Variants in DHX35 observed in about 807,000 individuals in gnomAD.
DHX35 encodes the protein DEAH-box helicase 35.
A neutral mutation model predicts 99.6 loss-of-function variants in DHX35; 84 were observed. That is an observed-to-expected ratio of 0.84 (90% CI 0.71 to 1.01). DHX35 has a LOEUF of 1.01. Among genes scored for constraint, DHX35 ranks in the 50% least tolerant of loss-of-function variants. DHX35 has a pLI of 0.00. For synonymous variants in DHX35, 331 were observed against 316.2 expected, an observed-to-expected ratio of 1.05 and a Z score of -0.50; for missense variants, 852 against 888.5, an observed-to-expected ratio of 0.96 and a Z score of 0.52.
At chr20:39,021,727 A>G in intron 15 of DHX35, 114 bp from the exon 16 acceptor site, 3 of 1,055,484 alleles carry the variant, frequency 2.8e-6, no homozygotes, top group Non-Finnish European at 4.3e-6. Context: ...ATTAAGCTCT[A>G]GAAAAAATAT....
At chr20:39,037,422 G>A (rs956057895) in intron 21 of DHX35, among the ~76,000 whole-genome samples, 1 of 152,228 alleles carries the variant, frequency 6.6e-6, no homozygotes, top group Non-Finnish European at 1.5e-5. Context: ...CAGATGGAAA[G>A]TCTGAGTTCT....
chr20:38,988,073 T>G (rs1255631442), intron 4 of DHX35, among the ~76,000 whole-genome samples: 3 of 152,242 alleles, frequency 2.0e-5, no homozygotes, highest in African/African-American at 7.2e-5. Context: ...TAGTGTGCCC[T>G]TTGTTTAGGA....
chr20:38,962,757 C>G lies in DHX35; in HGVS notation c.40+350C>G, dbSNP rs967620440. The stretch of plus-strand genomic sequence containing the variant: ...AGCGCCCTGGGGTTGCGCTGTGGCC[C>G]GACAGACAATGCTGCTCGCTGCTGG... On this transcript the variant is annotated intron_variant, in intron 1 of 21. Transcript: ENST00000252011. The G allele has an allele frequency of 1.9e-5, 6 of 309,840 alleles. No individual in the cohort carries two copies. The East Asian group carries it at 4.2e-4, about 22-fold the overall frequency. 19.2% of individuals were successfully genotyped at this position (309,840 alleles called of 1,614,324 possible). A position where few individuals can be genotyped will look rare whatever the true frequency, so the allele number is the denominator to read the frequency against.
rs1204403830 is a variant in DHX35, at chr20:39,025,291, C to T, written c.1733C>T (p.Ala578Val). The T allele has an allele frequency of 1.2e-6, 2 of 1,613,652 alleles. No homozygotes were observed. The highest frequency in any genetic ancestry group is 1.7e-5 in the Admixed American group (1 of 59,946). ...CTGAATTACAAGGGTCTTGTCAGAG[C>T]TGCGACTGTAAGAGAACAATTGAAA... The part of the protein sequence containing the change: ...HFLNYKGLVR[A>V]ATVREQLKKL... Residue 578 changes from alanine to valine, a missense_variant, in exon 18 of 22, where the codon GCT becomes GTT. Coordinates refer to ENST00000252011, the MANE Select transcript of DHX35 (RefSeq NM_021931.4).
At chr20:39,032,849 G>T (rs942504429) in intron 20 of DHX35, among the ~76,000 whole-genome samples, 2 of 152,176 alleles carry the variant, frequency 1.3e-5, no homozygotes, top group Non-Finnish European at 2.9e-5. Context: ...TGTAGCCACT[G>T]CAGACCTAGA....
intron 14 of DHX35, among the ~76,000 whole-genome samples, chr20:39,017,372 T>C (rs2086803386): frequency 6.6e-6 from 1 of 152,106 alleles, no homozygotes; most frequent in Non-Finnish European, 1.5e-5. Context: ...CCCCTTCTTC[T>C]CAAGCATGTA....
intron 3 of DHX35, among the ~76,000 whole-genome samples, chr20:38,983,013 C>A (rs550302169): frequency 2.8e-3 from 429 of 151,718 alleles, no homozygotes; most frequent in African/African-American, 9.9e-3. Context: ...GCAACCTCCA[C>A]CTCCCAGGTT....
At position 39,023,395 on chromosome 20, in the gene DHX35, G is replaced by A. The variant is rs558327105; in HGVS notation, c.1594-295G>A. Reference sequence around the variant, plus strand: ...TTCTTTTTTTCTTTTTTGAGACAGGGTCTCGCCCTGTTGCCTTGGTTGGAG... The same window carrying A: ...TTCTTTTTTTCTTTTTTGAGACAGGATCTCGCCCTGTTGCCTTGGTTGGAG... On this transcript the variant is annotated intron_variant, in intron 16 of 21. Transcript: ENST00000252011. Among the ~76,000 whole-genome samples the A allele has an allele frequency of 2.3e-4, 35 of 152,212 alleles. 1 individual carries two copies. In the South Asian group the frequency reaches 6.9e-3, roughly 30 times the overall value.
chr20:39,023,275 A>G (rs745888560), intron 16 of DHX35, among the ~76,000 whole-genome samples: 1 of 152,232 alleles, frequency 6.6e-6, no homozygotes, highest in Non-Finnish European at 1.5e-5. Flanking sequence ...TGGCAGAGCT[A>G]GAATGCTGCA....
intron 9 of DHX35, among the ~76,000 whole-genome samples, chr20:39,002,156 A>G (rs2086531298): frequency 6.6e-6 from 1 of 152,234 alleles, no homozygotes; most frequent in Admixed American, 6.5e-5. Flanking sequence ...GCCTGTCAGC[A>G]GGGGCAGTAT....
At chr20:38,977,365 G>A (rs751885841) in intron 3 of DHX35, among the ~76,000 whole-genome samples, 187 of 152,014 alleles carry the variant, frequency 1.2e-3, no homozygotes, top group Non-Finnish European at 2.3e-3. Flanking sequence ...GCATTATTTC[G>A]TATATATGAA....
chr20:38,971,128 G>A (rs1248330649), intron 2 of DHX35, among the ~76,000 whole-genome samples: 1 of 152,128 alleles, frequency 6.6e-6, no homozygotes, highest in East Asian at 1.9e-4. Context: ...TGAGGCGGGT[G>A]GATCACTTGA....
rs577550141 is a variant in DHX35, at chr20:39,009,917, G to A, written c.1223-363G>A. ...TTTATCTTGAAATTGTTCTTTGCTT[G>A]TATGTGAAGCTCTTGCTTCCTTGAC... On this transcript the variant is annotated intron_variant, in intron 12 of 21. Transcript: ENST00000252011. Among the ~76,000 whole-genome samples the A allele has an allele frequency of 2.0e-5, 3 of 152,230 alleles. No homozygotes were observed. The South Asian group carries it at 6.2e-4, about 32-fold the overall frequency.
chr20:38,998,428 A>T (rs1354891940), intron 8 of DHX35, among the ~76,000 whole-genome samples: 1 of 152,206 alleles, frequency 6.6e-6, no homozygotes, highest in African/African-American at 2.4e-5. Flanking sequence ...ATAGCTGCTT[A>T]TCGGCCACTC....
At position 39,028,323 on chromosome 20, in the gene DHX35, TG is replaced by T. The variant is rs1370147111; in HGVS notation, c.1802-91del. The stretch of plus-strand genomic sequence containing the variant: ...GGTTTCCAGGTGTCTTGAAGCAGCC[TG>T]GGGTGGTGCTGGGAGTGGATCCTGT... On this transcript the variant is annotated intron_variant, in intron 18 of 21. Transcript: ENST00000252011. 258 of 1,242,356 alleles carry T rather than the reference TG, an allele frequency of 2.1e-4. 3 individuals carry two copies. The East Asian group carries it at 5.9e-3, about 29-fold the overall frequency. The allele number at this position is 1,242,356 out of a possible 1,614,324, so 77.0% of individuals were successfully genotyped here. A position where few individuals can be genotyped will look rare whatever the true frequency, so the allele number is the denominator to read the frequency against.
intron 3 of DHX35, among the ~76,000 whole-genome samples, chr20:38,973,768 T>C (rs1045882673): frequency 6.6e-6 from 1 of 152,222 alleles, no homozygotes; most frequent in African/African-American, 2.4e-5. Context: ...CTTGTTGATA[T>C]ATTGCCGGTG....
intron 3 of DHX35, among the ~76,000 whole-genome samples, chr20:38,980,487 C>A (rs2086154560): frequency 6.8e-6 from 1 of 146,572 alleles, no homozygotes. Flanking sequence ...CTCATTGACT[C>A]TTAGCTATTA....
chr20:38,994,775 T>C, intron 7 of DHX35, 46 bp from the exon 8 acceptor site: 1 of 1,474,098 alleles, frequency 6.8e-7, no homozygotes, highest in Non-Finnish European at 9.5e-7. Context: ...ATCTCATCCA[T>C]AAGTGTTGCA....
At chr20:39,029,850 G>T (rs1368990242) in intron 19 of DHX35, 1 of 152,224 alleles carries the variant, frequency 6.6e-6, no homozygotes, top group Non-Finnish European at 1.5e-5. Flanking sequence ...ACCCCAGGAC[G>T]CTGGCTTTAT....
Sources: gnomAD v4.1 joint callset for allele counts (sites outside exome capture counted in the v4.1 genomes callset) on GRCh38, gnomAD v4.1.1 for gene constraint, MANE v1.5 for transcripts, NCBI Gene and HGNC (gene_info 2026-07-23, HGNC 2026-07-21) for gene names.